The following DNAH7 variants were observed in gnomAD, a reference collection of about 807,000 sequenced individuals.
DNAH7 encodes the protein dynein axonemal heavy chain 7.
DNAH7 carries 397 observed loss-of-function variants against 444.6 expected under a neutral mutation model. That is an observed-to-expected ratio of 0.89 (90% CI 0.82 to 0.97). DNAH7 has a LOEUF of 0.97. Among genes scored for constraint, DNAH7 ranks in the 50% least tolerant of loss-of-function variants. The pLI is 0.00. For missense variants in DNAH7, 4,902 were observed against 4,800.8 expected (o/e 1.02, Z -0.62); for synonymous variants, 1,636 against 1,624.4 (o/e 1.01, Z -0.17).
chr2:195,952,980 A>G (rs1260469817), intron 19 of DNAH7, among the ~76,000 whole-genome samples: 1 of 152,152 alleles, frequency 6.6e-6, no homozygotes, highest in African/African-American at 2.4e-5. Flanking sequence ...CCTTGCTGGC[A>G]AGGAGTTGTA....
At chr2:195,934,870 T>TGC in intron 20 of DNAH7, 81 bp from the exon 21 acceptor site, 1 of 1,456,802 alleles carries the variant, frequency 6.9e-7, no homozygotes, top group South Asian at 1.2e-5. Context: ...TTAAAGTTCA[T>TGC]AAATGCTAGG....
chr2:195,763,740 C>CT (rs1274530980), intron 61 of DNAH7, among the ~76,000 whole-genome samples: 1 of 151,872 alleles, frequency 6.6e-6, no homozygotes, highest in African/African-American at 2.4e-5. Flanking sequence ...AATAAAGGGT[C>CT]TCCCAGCAAA....
intron 2 of DNAH7, among the ~76,000 whole-genome samples, chr2:196,052,193 G>GCCACATCTCCCATGAGGTCTGAAT (rs1365767429): frequency 5.3e-5 from 8 of 152,188 alleles, no homozygotes; most frequent in African/African-American, 1.9e-4. Context: ...GTGGGCCACA[G>GCCACATCTCCCATGAGGTCTGAAT]CCACATCTCC....
intron 19 of DNAH7, among the ~76,000 whole-genome samples, chr2:195,950,868 A>AAACAAAAAAAAC (rs1690194529): frequency 2.9e-5 from 4 of 138,152 alleles, no homozygotes; most frequent in Non-Finnish European, 4.7e-5. Flanking sequence ...AAAAAAAAAA[A>AAACAAAAAAAAC]AAAAAAAAAA....
intron 63 of DNAH7, among the ~76,000 whole-genome samples, chr2:195,748,902 T>A (rs1390162790): frequency 1.8e-4 from 27 of 152,232 alleles, no homozygotes; most frequent in Non-Finnish European, 3.5e-4. Flanking sequence ...AACCAAGGCA[T>A]TACCATTCAG....
chr2:195,886,085 G>A, intron 34 of DNAH7, 56 bp downstream of exon 34: 1 of 1,527,668 alleles, frequency 6.5e-7, no homozygotes, highest in Non-Finnish European at 8.8e-7. Context: ...AAGCTTTGGG[G>A]AAAGCAGTAG....
chr2:195,786,927 C>T (rs1574432170), intron 58 of DNAH7, 83 bp downstream of exon 58: 2 of 1,368,970 alleles, frequency 1.5e-6, no homozygotes, highest in East Asian at 4.9e-5. Context: ...AGAAATTAAT[C>T]AGAAGTGCCC....
chr2:195,791,031 A>C (rs1451381619), intron 57 of DNAH7, among the ~76,000 whole-genome samples: 1 of 152,188 alleles, frequency 6.6e-6, no homozygotes, highest in African/African-American at 2.4e-5. Flanking sequence ...TGGGCAGAAG[A>C]CATGAACAGA....
chr2:195,859,578 A>G (rs1349218386), intron 42 of DNAH7, among the ~76,000 whole-genome samples: 2 of 152,164 alleles, frequency 1.3e-5, no homozygotes, highest in African/African-American at 2.4e-5. Flanking sequence ...ATCCCCTTCA[A>G]AAAACAGACT....
At chr2:195,831,842 G>A (rs1275427157) in intron 48 of DNAH7, among the ~76,000 whole-genome samples, 1 of 152,058 alleles carries the variant, frequency 6.6e-6, no homozygotes, top group African/African-American at 2.4e-5. Flanking sequence ...GAAAGGGAAC[G>A]TCCATCACTA....
chr2:195,745,431 G>T (rs922406326), intron 63 of DNAH7, among the ~76,000 whole-genome samples: 1 of 152,206 alleles, frequency 6.6e-6, no homozygotes, highest in Admixed American at 6.5e-5. Flanking sequence ...AAAACACTCT[G>T]CAGGATGTTA....
intron 10 of DNAH7, among the ~76,000 whole-genome samples, chr2:196,009,636 C>G (rs1029535237): frequency 2.6e-5 from 4 of 152,140 alleles, no homozygotes; most frequent in African/African-American, 9.7e-5. Flanking sequence ...CCTAAAAGCA[C>G]AGGCAAGAAG....
At position 195,756,231 on chromosome 2, in the gene DNAH7, C is replaced by T. The variant is rs1559074630; in HGVS notation, c.11488G>A (p.Val3830Ile). 6.2e-7 allele frequency: 1 copy of T among 1,613,756 alleles called. No homozygotes were observed. Among genetic ancestry groups the T allele is most frequent in the African/African-American group, 1.3e-5 (1 of 75,018 alleles). Residue 3830 changes from valine to isoleucine, a missense_variant, in exon 62 of 65, where the codon GTC (valine) becomes ATC (isoleucine). Transcript: ENST00000312428. The stretch of plus-strand genomic sequence containing the variant: ...CCCATCCACATTTCTGGAATTTTGA[C>T]ATTCAAAATGCTGCTAACCACTTCT... ...LEEVVSSILNVKIPEMWMGKS... is the reference protein window; with the variant it reads ...LEEVVSSILNIKIPEMWMGKS...
At chr2:195,886,037 C>G (rs567213170) in intron 34 of DNAH7, 104 bp downstream of exon 34, 12 of 1,380,708 alleles carry the variant, frequency 8.7e-6, no homozygotes, top group African/African-American at 1.5e-5. Flanking sequence ...GTTGACTAGT[C>G]TCCAACTTCA....
At chr2:196,026,670 C>A in intron 7 of DNAH7, 90 bp downstream of exon 7, 1 of 849,824 alleles carries the variant, frequency 1.2e-6, no homozygotes, top group Non-Finnish European at 1.8e-6. Flanking sequence ...AATATTGTGA[C>A]TAGTTTCAAG....
intron 55 of DNAH7, among the ~76,000 whole-genome samples, chr2:195,798,124 A>T (rs1245633134): frequency 6.6e-6 from 1 of 152,062 alleles, no homozygotes; most frequent in East Asian, 1.9e-4. Flanking sequence ...GTCTTCTTAA[A>T]TTTTTTTCTA....
intron 47 of DNAH7, among the ~76,000 whole-genome samples, chr2:195,837,600 A>C (rs1698440525): frequency 6.6e-6 from 1 of 152,172 alleles, no homozygotes; most frequent in African/African-American, 2.4e-5. Flanking sequence ...AACTGAAAAA[A>C]TGACCATATG....
chr2:195,740,613 GTGTATA>G (rs1171503543), intron 64 of DNAH7, among the ~76,000 whole-genome samples, 147 bp downstream of exon 64: 564 of 70,072 alleles, frequency 8.0e-3, no homozygotes, highest in African/African-American at 0.021. Context: ...GTGTGTGTGT[GTGTATA>G]TATATATATA....
chr2:195,959,525 A>T (rs1041930882), intron 18 of DNAH7, among the ~76,000 whole-genome samples: 1 of 152,222 alleles, frequency 6.6e-6, no homozygotes, highest in Non-Finnish European at 1.5e-5. Flanking sequence ...GCCAAGACCA[A>T]TCAGAACATG....
Sources: gnomAD v4.1 joint callset for allele counts (sites outside exome capture counted in the v4.1 genomes callset) on GRCh38, gnomAD v4.1.1 for gene constraint, MANE v1.5 for transcripts, NCBI Gene and HGNC (gene_info 2026-07-23, HGNC 2026-07-21) for gene names.